Variants in PCDH7 observed in about 807,000 individuals in gnomAD.
PCDH7 encodes protocadherin-7.
In PCDH7, 17 loss-of-function variants were observed where a neutral mutation model predicts 58.9. That is an observed-to-expected ratio of 0.29 (90% CI 0.20 to 0.43). PCDH7 has a LOEUF of 0.43. Ranked by LOEUF, PCDH7 falls within the 20% of genes least tolerant of loss-of-function variation. The pLI, the probability that PCDH7 is intolerant of heterozygous loss-of-function variation, is 1.00. For synonymous variants in PCDH7, 664 were observed against 616.4 expected, an observed-to-expected ratio of 1.08 and a Z score of -1.14; for missense variants, 1,274 against 1,441.0, an observed-to-expected ratio of 0.88 and a Z score of 1.88.
intron 3 of PCDH7, among the ~76,000 whole-genome samples, chr4:31,016,618 T>C (rs191932235): frequency 2.3e-3 from 352 of 152,164 alleles, no homozygotes; most frequent in Non-Finnish European, 3.7e-3. Context: ...TATAGTAAGA[T>C]GGGTAGCATT....
intron 3 of PCDH7, among the ~76,000 whole-genome samples, chr4:31,056,377 A>G (rs1472793931): frequency 6.6e-6 from 1 of 150,640 alleles, no homozygotes; most frequent in Non-Finnish European, 1.5e-5. Context: ...GGAAAGGAAG[A>G]AAGAAAGAAG....
At chr4:30,950,069 A>T (rs1747197756) in intron 2 of PCDH7, 1 of 152,594 alleles carries the variant, frequency 6.6e-6, no homozygotes, top group South Asian at 2.1e-4. Context: ...ACACCATTGT[A>T]TAGGGGCTGC....
At chr4:31,044,149 C>G (rs981608295) in intron 3 of PCDH7, among the ~76,000 whole-genome samples, 1 of 152,046 alleles carries the variant, frequency 6.6e-6, no homozygotes, top group Non-Finnish European at 1.5e-5. Flanking sequence ...CATTAAGAAA[C>G]AATGAGGAGA....
At chr4:30,779,003 GTTTTTTT>G (rs386399674) in intron 1 of PCDH7, among the ~76,000 whole-genome samples, 47 of 73,008 alleles carry the variant, frequency 6.4e-4, no homozygotes, top group East Asian at 3.4e-3. Flanking sequence ...TCCTTACTCC[GTTTTTTT>G]TTTTTTTTTT....
At chr4:30,903,860 G>A (rs1740545050) in intron 1 of PCDH7, among the ~76,000 whole-genome samples, 3 of 151,834 alleles carry the variant, frequency 2.0e-5, no homozygotes, top group Admixed American at 6.6e-5. Context: ...GTGTTTTTTT[G>A]TATTAAAAGG....
intron 3 of PCDH7, among the ~76,000 whole-genome samples, chr4:31,008,898 A>T (rs927467302): frequency 5.9e-5 from 9 of 151,972 alleles, no homozygotes; most frequent in African/African-American, 2.2e-4. Flanking sequence ...TGTGTTCTCA[A>T]ATTTGCAGAG....
chr4:31,135,269 T>A (rs1040494267), intron 3 of PCDH7, among the ~76,000 whole-genome samples: 1 of 152,190 alleles, frequency 6.6e-6, no homozygotes, highest in Non-Finnish European at 1.5e-5. Context: ...CCTAGTATCT[T>A]AGGGGCAAGT....
intron 2 of PCDH7, among the ~76,000 whole-genome samples, chr4:30,928,470 T>G (rs531967165): frequency 6.6e-6 from 1 of 152,194 alleles, no homozygotes; most frequent in African/African-American, 2.4e-5. Flanking sequence ...ATACTGAAAA[T>G]AAAATATGAC....
At chr4:30,986,229 A>G (rs1346764590) in intron 3 of PCDH7, among the ~76,000 whole-genome samples, 4 of 152,102 alleles carry the variant, frequency 2.6e-5, no homozygotes, top group African/African-American at 4.8e-5. Flanking sequence ...TTGGCCTGCA[A>G]TTGATTTCTC....
intron 3 of PCDH7, among the ~76,000 whole-genome samples, chr4:30,998,510 C>G (rs891576720): frequency 2.0e-5 from 3 of 152,064 alleles, no homozygotes; most frequent in African/African-American, 7.2e-5. Context: ...AATGGTTTTT[C>G]TCAAAATCTG....
intron 1 of PCDH7, among the ~76,000 whole-genome samples, chr4:30,852,061 CTTATG>C (rs1732828263): frequency 6.6e-6 from 1 of 151,994 alleles, no homozygotes; most frequent in African/African-American, 2.4e-5. Context: ...TCTGTGCTAT[CTTATG>C]TTATTAACCT....
At chr4:31,111,804 T>C (rs1434388176) in intron 3 of PCDH7, among the ~76,000 whole-genome samples, 3 of 152,236 alleles carry the variant, frequency 2.0e-5, no homozygotes, top group Non-Finnish European at 4.4e-5. Flanking sequence ...TTATAGTTTT[T>C]ACATTCTTTT....
At chr4:30,955,329 G>A (rs1042796168) in intron 3 of PCDH7, among the ~76,000 whole-genome samples, 1 of 151,706 alleles carries the variant, frequency 6.6e-6, no homozygotes, top group Non-Finnish European at 1.5e-5. Context: ...ATAACATGGG[G>A]AAAAAACTGA....
chr4:30,834,930 T>C (rs570559172), intron 1 of PCDH7, among the ~76,000 whole-genome samples: 93 of 151,366 alleles, frequency 6.1e-4, no homozygotes, highest in African/African-American at 1.1e-3. Flanking sequence ...TGTATATATA[T>C]ACACACACAC....
At chr4:31,138,325 G>A (rs1719864772) in intron 3 of PCDH7, among the ~76,000 whole-genome samples, 2 of 152,088 alleles carry the variant, frequency 1.3e-5, no homozygotes, top group African/African-American at 4.8e-5. Context: ...TATAGTTTTA[G>A]GGAGGTTGTT....
intron 3 of PCDH7, among the ~76,000 whole-genome samples, chr4:31,099,136 G>A (rs912505981): frequency 6.6e-6 from 1 of 152,214 alleles, no homozygotes; most frequent in Admixed American, 6.5e-5. Context: ...CACAGAGGGA[G>A]AGAACATTTC....
chr4:30,969,632 G>A (rs1227659451), intron 3 of PCDH7, among the ~76,000 whole-genome samples: 1 of 151,948 alleles, frequency 6.6e-6, no homozygotes, highest in Admixed American at 6.6e-5. Context: ...AAGATAGTTG[G>A]GAAAAGAAAG....
chr4:30,769,671 G>C (rs1313130064), intron 1 of PCDH7, among the ~76,000 whole-genome samples: 1 of 152,112 alleles, frequency 6.6e-6, no homozygotes, highest in East Asian at 1.9e-4. Flanking sequence ...CCTGTTGTGA[G>C]TTTTGTTTGC....
downstream of PCDH7, chr4:31,145,349 T>C (rs1376679397): frequency 6.6e-6 from 1 of 152,112 alleles, no homozygotes; most frequent in Non-Finnish European, 1.5e-5. Context: ...ATAACATGTT[T>C]ATTATATAAT....
Sources: gnomAD v4.1 joint callset for allele counts (sites outside exome capture counted in the v4.1 genomes callset) on GRCh38, gnomAD v4.1.1 for gene constraint, MANE v1.5 for transcripts, NCBI Gene and HGNC (gene_info 2026-07-23, HGNC 2026-07-21) for gene names.